ATP8A2: variants seen among roughly 807,000 people sequenced by gnomAD.
The protein encoded by ATP8A2 is ATPase phospholipid transporting 8A2, also known as phospholipid-transporting ATPase IB.
In ATP8A2, 100 loss-of-function variants were observed where a neutral mutation model predicts 165.6. The ratio of observed to expected loss-of-function variants is 0.60; its 90% CI spans 0.51 to 0.71. The LOEUF (loss-of-function observed/expected upper bound fraction) is 0.71, where lower values mean the gene tolerates loss of function less well. Among genes scored for constraint, ATP8A2 ranks in the 30% least tolerant of loss-of-function variants. The probability of loss-of-function intolerance (pLI) is 0.00; values close to 1 mark genes in which losing one functional copy is unlikely to be tolerated. For synonymous variants in ATP8A2, 543 were observed against 548.8 expected (o/e 0.99, Z 0.15); for missense variants, 1,227 against 1,479.5 (o/e 0.83, Z 2.80).
At chr13:25,778,535 A>C (rs182644686) in intron 27 of ATP8A2, among the ~76,000 whole-genome samples, 31 of 152,340 alleles carry the variant, frequency 2.0e-4, no homozygotes, top group Non-Finnish European at 3.7e-4. Context: ...GGTTGATTAC[A>C]AAAACCGCTA....
intron 35 of ATP8A2, among the ~76,000 whole-genome samples, chr13:25,992,741 G>T (rs1445111771): frequency 2.0e-5 from 3 of 151,270 alleles, no homozygotes; most frequent in African/African-American, 7.3e-5. Context: ...ACATTGTGCA[G>T]GTTAGTTACA....
chr13:25,649,142 G>A (rs902426629), intron 24 of ATP8A2: 3 of 441,008 alleles, frequency 6.8e-6, no homozygotes, highest in Admixed American at 2.6e-5. Flanking sequence ...AGCTTTCACA[G>A]GCATTCTTTG....
chr13:25,445,983 A>T (rs2035057579), intron 1 of ATP8A2, among the ~76,000 whole-genome samples: 1 of 152,202 alleles, frequency 6.6e-6, no homozygotes, highest in Admixed American at 6.5e-5. Flanking sequence ...AATGAAGTTT[A>T]TGTGTACACC....
chr13:25,672,022 A>G (rs2042275153), intron 24 of ATP8A2, among the ~76,000 whole-genome samples: 1 of 152,140 alleles, frequency 6.6e-6, no homozygotes, highest in South Asian at 2.1e-4. Flanking sequence ...GCTGGCCAAC[A>G]CTTAAGGAAA....
At chr13:25,416,428 A>G (rs559596162) in intron 1 of ATP8A2, among the ~76,000 whole-genome samples, 2 of 151,810 alleles carry the variant, frequency 1.3e-5, no homozygotes, top group Admixed American at 6.6e-5. Context: ...CCCTGCTCCC[A>G]CCCCACCCCC....
chr13:25,565,172 C>T (rs1420445121), intron 16 of ATP8A2, among the ~76,000 whole-genome samples: 2 of 151,966 alleles, frequency 1.3e-5, no homozygotes, highest in African/African-American at 4.8e-5. Context: ...GGGTTGGTTC[C>T]ACAATTCACA....
chr13:25,533,443 A>C, intron 6 of ATP8A2, 130 bp downstream of exon 6: 1 of 560,134 alleles, frequency 1.8e-6, no homozygotes. Context: ...CTGAGACCTG[A>C]TGCGTGTTTA....
intron 24 of ATP8A2, among the ~76,000 whole-genome samples, chr13:25,596,021 T>G (rs1323855943): frequency 1.3e-5 from 2 of 152,178 alleles, no homozygotes. Context: ...ACCCACAGAA[T>G]TAACTTTTTA....
intron 4 of ATP8A2, among the ~76,000 whole-genome samples, chr13:25,531,447 ATATATATGATTATATATATGT>A (rs2038106758): frequency 2.0e-5 from 2 of 99,338 alleles, no homozygotes; most frequent in South Asian, 5.5e-4. Flanking sequence ...ATATATGATT[ATATATATGATTATATATATGT>A]TATATATATA....
At chr13:25,808,133 CTT>C (rs529926089) in intron 27 of ATP8A2, among the ~76,000 whole-genome samples, 11 of 143,496 alleles carry the variant, frequency 7.7e-5, no homozygotes, top group Non-Finnish European at 1.1e-4. Context: ...CTCCCCAAGA[CTT>C]TTTTTTTTTT....
At chr13:25,687,114 A>G (rs1399217969) in intron 24 of ATP8A2, among the ~76,000 whole-genome samples, 1 of 152,152 alleles carries the variant, frequency 6.6e-6, no homozygotes, top group African/African-American at 2.4e-5. Flanking sequence ...AGGAGAGCAC[A>G]TGGCCCACAG....
chr13:25,611,478 C>T (rs147174309), intron 24 of ATP8A2, among the ~76,000 whole-genome samples: 43 of 152,168 alleles, frequency 2.8e-4, no homozygotes, highest in African/African-American at 7.9e-4. Context: ...ATCATCCCTG[C>T]GTTCCTGGTA....
At chr13:25,818,990 A>G (rs1488494300) in intron 27 of ATP8A2, among the ~76,000 whole-genome samples, 3 of 152,204 alleles carry the variant, frequency 2.0e-5, no homozygotes, top group Non-Finnish European at 4.4e-5. Context: ...AGTGATGCTT[A>G]TTTGTTACAC....
At chr13:25,897,700 A>G (rs549705782) in intron 33 of ATP8A2, among the ~76,000 whole-genome samples, 2 of 152,170 alleles carry the variant, frequency 1.3e-5, no homozygotes, top group Non-Finnish European at 2.9e-5. Flanking sequence ...GTCTTTTCAC[A>G]TAGTCCCATA....
chr13:25,805,518 A>G (rs1950715507), intron 27 of ATP8A2, among the ~76,000 whole-genome samples: 3 of 151,942 alleles, frequency 2.0e-5, no homozygotes, highest in African/African-American at 2.4e-5. Flanking sequence ...CCCTGTCTCA[A>G]AAAAAAAGAA....
At position 25,647,431 on chromosome 13, in the gene ATP8A2, C is replaced by T. The variant is rs368729966; in HGVS notation, c.2212-51742C>T. The stretch of plus-strand genomic sequence containing the variant: ...TTGAATATATCATCCCACTCTTAGT[C>T]TGCTGGATTTCTGCTAATAAATTTG... On this transcript the variant is annotated intron_variant, in intron 24 of 36. Coordinates refer to ENST00000381655, the MANE Select transcript of ATP8A2 (RefSeq NM_016529.6). Among the ~76,000 whole-genome samples, 8 of 152,274 alleles carry T rather than the reference C, an allele frequency of 5.3e-5. No homozygotes were observed. The South Asian group carries it at 1.7e-3, about 32-fold the overall frequency.
intron 1 of ATP8A2, among the ~76,000 whole-genome samples, chr13:25,394,610 G>A (rs765156809): frequency 6.6e-6 from 1 of 152,172 alleles, no homozygotes; most frequent in Non-Finnish European, 1.5e-5. Context: ...GGCTTGCCAG[G>A]CCTGTGAAGG....
chr13:25,852,944 C>A (rs1247205155), intron 30 of ATP8A2, among the ~76,000 whole-genome samples: 1 of 151,918 alleles, frequency 6.6e-6, no homozygotes, highest in Non-Finnish European at 1.5e-5. Context: ...AACCATGTGA[C>A]CTTGAACATA....
intron 1 of ATP8A2, among the ~76,000 whole-genome samples, chr13:25,426,969 A>G (rs537378572): frequency 5.9e-4 from 90 of 152,218 alleles, no homozygotes; most frequent in African/African-American, 2.1e-3. Flanking sequence ...AATAACAATA[A>G]TAATATGTCA....
Sources: allele counts gnomAD v4.1 joint callset (sites outside exome capture counted in the v4.1 genomes callset), GRCh38; gene constraint gnomAD v4.1.1; transcripts MANE v1.5; gene names NCBI Gene and HGNC (gene_info 2026-07-23, HGNC 2026-07-21).